Variants in WWOX observed in about 807,000 individuals in gnomAD.
WWOX encodes the protein WW domain-containing oxidoreductase.
Under a neutral mutation model 46.2 loss-of-function variants are expected in WWOX, and 69 were observed. The ratio of observed to expected loss-of-function variants is 1.49; its 90% CI spans 1.23 to 1.82. WWOX has a LOEUF of 1.82. Among genes scored for constraint, WWOX ranks in the 40% most tolerant of loss-of-function variants. WWOX has a pLI of 0.00. For missense variants in WWOX, 919 were observed against 542.6 expected, an observed-to-expected ratio of 1.69 and a Z score of -6.89; for synonymous variants, 359 against 202.6, an observed-to-expected ratio of 1.77 and a Z score of -6.56.
At chr16:78,936,358 C>G (rs1023820479) in intron 8 of WWOX, among the ~76,000 whole-genome samples, 3 of 152,118 alleles carry the variant, frequency 2.0e-5, no homozygotes, top group Non-Finnish European at 1.5e-5. Flanking sequence ...GACTCTGAAC[C>G]TTTTGAAGAC....
intron 8 of WWOX, among the ~76,000 whole-genome samples, chr16:79,121,816 A>G (rs1419665953): frequency 6.6e-6 from 1 of 152,218 alleles, no homozygotes; most frequent in Non-Finnish European, 1.5e-5. Flanking sequence ...CTCATCCCTA[A>G]TAATAAATAA....
chr16:78,135,425 G>A (rs541725041), intron 4 of WWOX, among the ~76,000 whole-genome samples: 1 of 152,270 alleles, frequency 6.6e-6, no homozygotes, highest in East Asian at 1.9e-4. Flanking sequence ...GCAGAATCTG[G>A]ATTTTTAACT....
rs541433739 is a variant in WWOX, at chr16:78,634,811, GGAGAGAGA to G, written c.1056+202079_1056+202086del. 4.0e-3 allele frequency among the ~76,000 whole-genome samples: 517 copies of G among 127,942 alleles called. 3 individuals are homozygous for G. The highest frequency in any genetic ancestry group is 0.015 in the African/African-American group (496 of 33,116). 83.9% of individuals were successfully genotyped at this position (127,942 alleles called of 152,430 possible). A position where few individuals can be genotyped will look rare whatever the true frequency, so the allele number is the denominator to read the frequency against. ...TAGTTTAGAGGCTCAGCACCCGACT[GGAGAGAGA>G]GAGAGAGAGAGAGAGAGAGTGTGTG... On this transcript the variant is annotated intron_variant, in intron 8 of 8. Coordinates refer to ENST00000566780, the MANE Select transcript of WWOX (RefSeq NM_016373.4).
intron 8 of WWOX, among the ~76,000 whole-genome samples, chr16:78,643,786 C>G (rs180699951): frequency 1.3e-5 from 2 of 150,992 alleles, no homozygotes; most frequent in East Asian, 3.9e-4. Context: ...TCTTTGCTTG[C>G]TCAGCAGTTG....
At chr16:78,147,936 G>A (rs1387155895) in intron 4 of WWOX, among the ~76,000 whole-genome samples, 1 of 151,906 alleles carries the variant, frequency 6.6e-6, no homozygotes, top group Admixed American at 6.6e-5. Flanking sequence ...AAGGAACGGG[G>A]TCTCTTTGGA....
chr16:78,450,855 C>T (rs2083674408), intron 8 of WWOX, among the ~76,000 whole-genome samples: 1 of 152,116 alleles, frequency 6.6e-6, no homozygotes, highest in Non-Finnish European at 1.5e-5. Flanking sequence ...TAAAAGAAAA[C>T]ATTATATTTC....
At chr16:78,655,436 T>C (rs949010316) in intron 8 of WWOX, among the ~76,000 whole-genome samples, 2 of 152,226 alleles carry the variant, frequency 1.3e-5, no homozygotes, top group African/African-American at 4.8e-5. Context: ...TTTTAGAAGT[T>C]AGAAGATTTA....
intron 8 of WWOX, among the ~76,000 whole-genome samples, chr16:79,005,783 G>A (rs571384466): frequency 6.6e-6 from 1 of 152,114 alleles, no homozygotes; most frequent in African/African-American, 2.4e-5. Flanking sequence ...ACATTCTGAG[G>A]CCCTGGGTGG....
At chr16:78,122,282 C>T (rs560819579) in intron 4 of WWOX, among the ~76,000 whole-genome samples, 156 of 152,266 alleles carry the variant, frequency 1.0e-3, no homozygotes, top group Non-Finnish European at 2.0e-3. Context: ...GATTAGATCT[C>T]AACTGAAACT....
At chr16:78,291,237 G>A (rs2151860673) in intron 5 of WWOX, among the ~76,000 whole-genome samples, 1 of 152,096 alleles carries the variant, frequency 6.6e-6, no homozygotes, top group South Asian at 2.1e-4. Flanking sequence ...ATTTATTTTG[G>A]CCTTTTCATT....
chr16:78,774,931 A>G (rs1490209347), intron 8 of WWOX, among the ~76,000 whole-genome samples: 3 of 152,200 alleles, frequency 2.0e-5, no homozygotes, highest in African/African-American at 7.2e-5. Context: ...ACTCATGGAC[A>G]GCATGGGGTC....
intron 8 of WWOX, among the ~76,000 whole-genome samples, chr16:78,988,589 C>G (rs1416378702): frequency 2.6e-5 from 4 of 152,152 alleles, no homozygotes; most frequent in African/African-American, 9.7e-5. Context: ...CCCTTCAACT[C>G]TTTGCCATTG....
chr16:78,557,719 G>A (rs1464304452), intron 8 of WWOX, among the ~76,000 whole-genome samples: 3 of 87,500 alleles, frequency 3.4e-5, no homozygotes, highest in Non-Finnish European at 6.0e-5. Context: ...TTTTGAGACA[G>A]GAGTCTCACT....
At chr16:78,711,269 C>T (rs1024024379) in intron 8 of WWOX, among the ~76,000 whole-genome samples, 13 of 152,084 alleles carry the variant, frequency 8.5e-5, no homozygotes, top group South Asian at 4.1e-4. Flanking sequence ...TGTATATATA[C>T]GTTAAAAAAT....
intron 8 of WWOX, among the ~76,000 whole-genome samples, chr16:78,609,210 T>A (rs912404525): frequency 2.6e-5 from 4 of 152,236 alleles, no homozygotes; most frequent in Admixed American, 6.5e-5. Context: ...TTGATAGATA[T>A]CATTGTTTCC....
At chr16:78,692,183 G>A (rs2048004938) in intron 8 of WWOX, among the ~76,000 whole-genome samples, 1 of 152,198 alleles carries the variant, frequency 6.6e-6, no homozygotes. Context: ...TAGGAAGGGA[G>A]TGTGGTTGTA....
At chr16:79,088,530 A>G (rs2150595228) in intron 8 of WWOX, among the ~76,000 whole-genome samples, 1 of 152,374 alleles carries the variant, frequency 6.6e-6, no homozygotes, top group African/African-American at 2.4e-5. Flanking sequence ...TGACGGAGTC[A>G]GAAAAATGAC....
At chr16:78,898,691 G>C (rs2044756785) in intron 8 of WWOX, 1 of 152,036 alleles carries the variant, frequency 6.6e-6, no homozygotes, top group Non-Finnish European at 1.5e-5. Flanking sequence ...TGAATCTCTT[G>C]ATCAATTTGA....
intron 8 of WWOX, among the ~76,000 whole-genome samples, chr16:78,803,875 C>A (rs2293902): frequency 1.2e-4 from 19 of 152,056 alleles, no homozygotes; most frequent in African/African-American, 4.6e-4. Context: ...AGTACTGCTT[C>A]GTTTCTCCCA....
Sources: allele counts gnomAD v4.1 joint callset (sites outside exome capture counted in the v4.1 genomes callset), GRCh38; gene constraint gnomAD v4.1.1; transcripts MANE v1.5; gene names NCBI Gene and HGNC (gene_info 2026-07-23, HGNC 2026-07-21).